The following WWOX variants were observed in gnomAD, a reference collection of about 807,000 sequenced individuals.
The protein encoded by WWOX is WW domain-containing oxidoreductase.
Under a neutral mutation model 46.2 loss-of-function variants are expected in WWOX, and 69 were observed. That is an observed-to-expected ratio of 1.49 (90% CI 1.23 to 1.82). WWOX has a LOEUF of 1.82. Among genes scored for constraint, WWOX ranks in the 40% most tolerant of loss-of-function variants. WWOX has a pLI of 0.00. For synonymous variants in WWOX, 359 were observed against 202.6 expected (o/e 1.77, Z -6.56); for missense variants, 919 against 542.6 (o/e 1.69, Z -6.89).
At chr16:78,689,990 A>T (rs751401756) in intron 8 of WWOX, among the ~76,000 whole-genome samples, 26 of 152,014 alleles carry the variant, frequency 1.7e-4, no homozygotes, top group Non-Finnish European at 3.2e-4. Flanking sequence ...CCTCCTGAGT[A>T]GCTGGGATTA....
chr16:78,810,393 C>G (rs752934288), intron 8 of WWOX, among the ~76,000 whole-genome samples: 42 of 152,154 alleles, frequency 2.8e-4, no homozygotes, highest in Admixed American at 1.0e-3. Context: ...TTGTTTTTAA[C>G]ATTTGAGAAT....
intron 8 of WWOX, among the ~76,000 whole-genome samples, chr16:78,884,999 C>T (rs1306208336): frequency 6.6e-6 from 1 of 152,210 alleles, no homozygotes; most frequent in Non-Finnish European, 1.5e-5. Flanking sequence ...TAGCCCTCAG[C>T]TGTGTCACTG....
chr16:78,812,578 T>A (rs1361426051), intron 8 of WWOX, among the ~76,000 whole-genome samples: 3 of 151,292 alleles, frequency 2.0e-5, no homozygotes, highest in African/African-American at 2.4e-5. Context: ...AAAAAAAAAA[T>A]TGCCAGGCCT....
chr16:78,363,591 G>C (rs4362401), intron 5 of WWOX, among the ~76,000 whole-genome samples: 141,973 of 152,206 alleles, frequency 0.93, 66,537 homozygotes, highest in African/African-American at 0.98. Flanking sequence ...TTTTAACTCA[G>C]AATGATTTCA....
At chr16:78,641,969 C>A (rs2046726106) in intron 8 of WWOX, among the ~76,000 whole-genome samples, 2 of 152,040 alleles carry the variant, frequency 1.3e-5, no homozygotes, top group South Asian at 4.1e-4. Context: ...CCCCTTTTAT[C>A]AAGAGCCGTA....
intron 8 of WWOX, among the ~76,000 whole-genome samples, chr16:78,667,169 G>C (rs937922018): frequency 2.0e-5 from 3 of 152,102 alleles, no homozygotes; most frequent in Non-Finnish European, 4.4e-5. Flanking sequence ...TTTGCTAGTA[G>C]CTTCCATGAA....
chr16:78,681,632 G>A (rs1404681952), intron 8 of WWOX, among the ~76,000 whole-genome samples: 1 of 152,016 alleles, frequency 6.6e-6, no homozygotes, highest in Non-Finnish European at 1.5e-5. Flanking sequence ...ACCGAGGTTT[G>A]AGAGTTCCTG....
chr16:79,090,700 G>A (rs188434893), intron 8 of WWOX, among the ~76,000 whole-genome samples: 6 of 152,322 alleles, frequency 3.9e-5, no homozygotes, highest in Non-Finnish European at 8.8e-5. Context: ...TCAAGGTCCC[G>A]AGTGAGGCAC....
intron 8 of WWOX, among the ~76,000 whole-genome samples, chr16:78,772,433 C>T (rs1457175754): frequency 2.0e-5 from 3 of 151,678 alleles, no homozygotes; most frequent in East Asian, 3.9e-4. Context: ...TTTTTTAATC[C>T]AATCTGTCAT....
intron 5 of WWOX, chr16:78,168,533 G>C (rs1211268269): frequency 6.6e-6 from 1 of 151,922 alleles, no homozygotes; most frequent in Non-Finnish European, 1.5e-5. Flanking sequence ...CTCAGAGTCA[G>C]GCTCCTTGCT....
intron 8 of WWOX, among the ~76,000 whole-genome samples, chr16:78,635,653 A>C (rs966390717): frequency 6.6e-6 from 1 of 152,162 alleles, no homozygotes; most frequent in African/African-American, 2.4e-5. Flanking sequence ...ATGCTTGACC[A>C]GCATTCACAC....
At chr16:78,645,421 T>C (rs2142126924) in intron 8 of WWOX, among the ~76,000 whole-genome samples, 1 of 152,304 alleles carries the variant, frequency 6.6e-6, no homozygotes, top group Non-Finnish European at 1.5e-5. Flanking sequence ...TCCTTTTGTG[T>C]TGCTATAAAG....
chr16:79,035,470 C>T (rs536161059), intron 8 of WWOX, among the ~76,000 whole-genome samples: 8 of 152,114 alleles, frequency 5.3e-5, no homozygotes, highest in South Asian at 2.1e-4. Context: ...AGGTGTACTC[C>T]GGCTGCTCCT....
At chr16:78,380,203 A>T (rs1388759930) in intron 5 of WWOX, among the ~76,000 whole-genome samples, 2 of 152,146 alleles carry the variant, frequency 1.3e-5, no homozygotes, top group Non-Finnish European at 2.9e-5. Flanking sequence ...CTCAGCTGCC[A>T]TGAGGGCTTC....
At chr16:78,737,496 T>G (rs2049118663) in intron 8 of WWOX, among the ~76,000 whole-genome samples, 1 of 151,974 alleles carries the variant, frequency 6.6e-6, no homozygotes, top group Non-Finnish European at 1.5e-5. Context: ...ATGAATAAGT[T>G]CTTTAGTGAT....
At chr16:79,073,787 G>A (rs1392874117) in intron 8 of WWOX, among the ~76,000 whole-genome samples, 1 of 152,164 alleles carries the variant, frequency 6.6e-6, no homozygotes, top group Non-Finnish European at 1.5e-5. Context: ...CTGATCCACT[G>A]AGAGATAAGT....
chr16:78,560,326 A>G (rs896908480), intron 8 of WWOX, among the ~76,000 whole-genome samples: 2 of 152,200 alleles, frequency 1.3e-5, no homozygotes, highest in Non-Finnish European at 2.9e-5. Flanking sequence ...TACTGGTTAG[A>G]ATAGAATATT....
chr16:78,664,647 G>C (rs144450878), intron 8 of WWOX, among the ~76,000 whole-genome samples: 1 of 152,264 alleles, frequency 6.6e-6, no homozygotes, highest in East Asian at 1.9e-4. Context: ...CGGTGTATCC[G>C]TATCAGTGTG....
intron 8 of WWOX, among the ~76,000 whole-genome samples, chr16:78,796,990 T>C (rs2050755565): frequency 6.6e-6 from 1 of 152,088 alleles, no homozygotes; most frequent in African/African-American, 2.4e-5. Context: ...CATGCCTGGC[T>C]AATTTTTGTA....
Sources: allele counts gnomAD v4.1 joint callset (sites outside exome capture counted in the v4.1 genomes callset), GRCh38; gene constraint gnomAD v4.1.1; transcripts MANE v1.5; gene names NCBI Gene and HGNC (gene_info 2026-07-23, HGNC 2026-07-21).